Variants in SNX7 observed in about 807,000 individuals in gnomAD.
The protein encoded by SNX7 is sorting nexin-7.
SNX7 carries 35 observed loss-of-function variants against 48.4 expected under a neutral mutation model. The ratio of observed to expected loss-of-function variants is 0.72; its 90% CI spans 0.55 to 0.96. SNX7 has a LOEUF of 0.96. SNX7 is among the 40% of genes least tolerant of loss of function. The probability of loss-of-function intolerance (pLI) is 0.00; values close to 1 mark genes in which losing one functional copy is unlikely to be tolerated. For missense variants in SNX7, 553 were observed against 548.9 expected (o/e 1.01, Z -0.07); for synonymous variants, 190 against 190.2 (o/e 1.00, Z 0.01).
chr1:98,684,980 T>A lies in SNX7; in HGVS notation c.276T>A (p.Asp92Glu), dbSNP rs778022778. The stretch of plus-strand genomic sequence containing the variant: ...AAATCAAGTTTGAGGATGAACCAGA[T>A]TTAAAGGATCTCTTCATCACAGTTG... ...INQIKFEDEP[D>E]LKDLFITVDE... Residue 92 changes from aspartate to glutamate, a missense_variant, in exon 2 of 9, where the codon GAT becomes GAA. By Grantham distance (45) the Asp-to-Glu change is conservative. Coordinates refer to ENST00000306121, the MANE Select transcript of SNX7 (RefSeq NM_015976.5). The A allele has an allele frequency of 1.3e-5, 20 of 1,598,854 alleles. No individual in the cohort carries two copies. The Admixed American group carries it at 3.2e-4, about 26-fold the overall frequency.
At chr1:98,671,377 A>G (rs905648264) in intron 1 of SNX7, among the ~76,000 whole-genome samples, 3 of 152,194 alleles carry the variant, frequency 2.0e-5, no homozygotes, top group African/African-American at 4.8e-5. Flanking sequence ...ATAAAAAAAG[A>G]CAATTAAAAT....
intron 8 of SNX7, among the ~76,000 whole-genome samples, chr1:98,752,856 A>G (rs776935515): frequency 6.6e-6 from 1 of 152,044 alleles, no homozygotes; most frequent in Non-Finnish European, 1.5e-5. Flanking sequence ...AAATGTGATC[A>G]GCCTGATGCC....
At chr1:98,717,087 TATCTC>T (rs1452274709) in intron 7 of SNX7, among the ~76,000 whole-genome samples, 1 of 152,098 alleles carries the variant, frequency 6.6e-6, no homozygotes, top group African/African-American at 2.4e-5. Flanking sequence ...GAGTTATAAT[TATCTC>T]AGAGAGTTGA....
At chr1:98,671,230 G>A (rs1328078880) in intron 1 of SNX7, among the ~76,000 whole-genome samples, 1 of 152,098 alleles carries the variant, frequency 6.6e-6, no homozygotes, top group Non-Finnish European at 1.5e-5. Context: ...GTCACCTTAA[G>A]TATATACAGT....
intron 7 of SNX7, among the ~76,000 whole-genome samples, chr1:98,719,879 TA>T (rs1652774103): frequency 6.7e-6 from 1 of 148,758 alleles, no homozygotes; most frequent in Non-Finnish European, 1.5e-5. Context: ...ATAAAATATA[TA>T]TTTTTAATGG....
At chr1:98,740,331 G>A (rs894680553) in intron 8 of SNX7, among the ~76,000 whole-genome samples, 1 of 151,946 alleles carries the variant, frequency 6.6e-6, no homozygotes, top group Non-Finnish European at 1.5e-5. Flanking sequence ...ACTTGTCTAC[G>A]CTTACATTAC....
intron 1 of SNX7, among the ~76,000 whole-genome samples, chr1:98,664,858 T>C (rs2100898396): frequency 6.6e-6 from 1 of 151,918 alleles, no homozygotes; most frequent in East Asian, 1.9e-4. Context: ...GAACCAATCA[T>C]ACAAAAACAG....
intron 7 of SNX7, among the ~76,000 whole-genome samples, chr1:98,723,523 G>T (rs1325568628): frequency 6.6e-6 from 1 of 151,820 alleles, no homozygotes; most frequent in African/African-American, 2.4e-5. Flanking sequence ...TATATTTAAT[G>T]ATTTAAGTTA....
At chr1:98,748,219 C>T (rs895067364) in intron 8 of SNX7, among the ~76,000 whole-genome samples, 1 of 152,036 alleles carries the variant, frequency 6.6e-6, no homozygotes, top group Middle Eastern at 3.2e-3. Flanking sequence ...CTCCTGACCT[C>T]AAGTGATCTG....
At chr1:98,743,995 T>A (rs908636659) in intron 8 of SNX7, among the ~76,000 whole-genome samples, 1 of 152,006 alleles carries the variant, frequency 6.6e-6, no homozygotes, top group African/African-American at 2.4e-5. Context: ...TATTCAAAAC[T>A]GAAAATCAGA....
At chr1:98,753,504 T>A (rs1223328556) in intron 8 of SNX7, among the ~76,000 whole-genome samples, 1 of 152,108 alleles carries the variant, frequency 6.6e-6, no homozygotes, top group East Asian at 1.9e-4. Context: ...GCAATTTGAA[T>A]CACTTATTTG....
chr1:98,671,850 A>G (rs1649882540), intron 1 of SNX7, among the ~76,000 whole-genome samples: 1 of 152,158 alleles, frequency 6.6e-6, no homozygotes, highest in East Asian at 1.9e-4. Flanking sequence ...GTTCATTTCT[A>G]TTAGAAAAAT....
intron 8 of SNX7, among the ~76,000 whole-genome samples, chr1:98,759,467 A>G (rs1655011344): frequency 6.6e-6 from 1 of 152,042 alleles, no homozygotes. Flanking sequence ...CCTGTGGCAC[A>G]TTAATAACTA....
At chr1:98,748,904 C>T (rs996308766) in intron 8 of SNX7, among the ~76,000 whole-genome samples, 2 of 152,056 alleles carry the variant, frequency 1.3e-5, no homozygotes, top group African/African-American at 2.4e-5. Flanking sequence ...ATATAACATG[C>T]TATAAAATAA....
chr1:98,661,901 T>G lies in SNX7; in HGVS notation c.170T>G (p.Val57Gly), dbSNP rs1316179847. The G allele has an allele frequency of 1.8e-5, 22 of 1,246,376 alleles. No homozygotes were observed. The highest frequency in any genetic ancestry group is 2.1e-5 in the Non-Finnish European group (21 of 987,306). 77.2% of individuals were successfully genotyped at this position (1,246,376 alleles called of 1,614,324 possible). Residue 57 changes from valine (V) to glycine (G), a missense_variant, in exon 1 of 9, where the codon GTG becomes GGG. Physicochemically the swap from Val to Gly is moderately radical, Grantham distance 109. Coordinates refer to ENST00000306121, the MANE Select transcript of SNX7 (RefSeq NM_015976.5). ...GACGAGGACGAGGACGACCTGGAGG[T>G]GTTCAGCAAGGTGAGGGCGGCGGCG... ...DLDEDEDDLE[V>G]FSKDASLMDM...
intron 7 of SNX7, among the ~76,000 whole-genome samples, chr1:98,734,402 A>G (rs1413228264): frequency 1.3e-5 from 2 of 152,082 alleles, no homozygotes; most frequent in Non-Finnish European, 2.9e-5. Context: ...TGTCCAATCA[A>G]TGGCTGGTGC....
intron 1 of SNX7, among the ~76,000 whole-genome samples, chr1:98,673,992 A>G (rs1166910403): frequency 6.6e-6 from 1 of 152,194 alleles, no homozygotes; most frequent in African/African-American, 2.4e-5. Flanking sequence ...TCACAGAAAT[A>G]TACTGGTTTC....
intron 7 of SNX7, among the ~76,000 whole-genome samples, chr1:98,724,994 A>G (rs572274104): frequency 5.7e-4 from 87 of 152,268 alleles, no homozygotes; most frequent in Non-Finnish European, 1.0e-3. Context: ...CTTTTAACAC[A>G]TATTTTAATA....
intron 1 of SNX7, among the ~76,000 whole-genome samples, chr1:98,669,020 A>G (rs1350767350): frequency 6.6e-6 from 1 of 152,188 alleles, no homozygotes; most frequent in East Asian, 1.9e-4. Flanking sequence ...GAGCAGTGGA[A>G]AGTCTTAATT....
Sources: gnomAD v4.1 joint callset for allele counts (sites outside exome capture counted in the v4.1 genomes callset) on GRCh38, gnomAD v4.1.1 for gene constraint, MANE v1.5 for transcripts, NCBI Gene and HGNC (gene_info 2026-07-23, HGNC 2026-07-21) for gene names.